Variants in RGPD2 observed in about 807,000 individuals in gnomAD.
The protein encoded by RGPD2 is RANBP2 like and GRIP domain containing 2, also known as RANBP2-like and GRIP domain-containing protein 2.
A neutral mutation model predicts 36.0 loss-of-function variants in RGPD2; 2 were observed. The ratio of observed to expected loss-of-function variants is 0.06; its 90% CI spans 0.02 to 0.17. RGPD2 has a LOEUF of 0.17. Ranked by LOEUF, RGPD2 falls within the 10% of genes least tolerant of loss-of-function variation. RGPD2 has a pLI of 1.00. For missense variants in RGPD2, 40 were observed against 464.3 expected (o/e 0.09, Z 8.40); for synonymous variants, 19 against 163.8 (o/e 0.12, Z 6.75).
intron 7 of RGPD2, among the ~76,000 whole-genome samples, chr2:87,805,593 T>TCA (rs1685913144): frequency 6.7e-6 from 1 of 150,248 alleles, no homozygotes; most frequent in African/African-American, 2.4e-5. Flanking sequence ...GAATGGTGGC[T>TCA]CACGCTTGTA....
chr2:87,912,961 C>T, the RGPD2 span, among the ~76,000 whole-genome samples: 4 of 150,348 alleles, frequency 2.7e-5, no homozygotes, highest in Non-Finnish European at 5.9e-5. Context: ...TATTATGTTC[C>T]AGGTGTTTGC....
chr2:87,857,786 A>C, the RGPD2 span, among the ~76,000 whole-genome samples: 6,575 of 147,176 alleles, frequency 0.045, no homozygotes, highest in Middle Eastern at 0.08. Context: ...AAAAAAAAAA[A>C]AAAAAAAAAA....
chr2:87,978,300 A>G, the RGPD2 span, among the ~76,000 whole-genome samples: 3 of 146,088 alleles, frequency 2.1e-5, no homozygotes, highest in Admixed American at 2.1e-4. Flanking sequence ...AAGTTGATAA[A>G]GATTTGAACA....
At chr2:87,832,731 G>T in the RGPD2 span, among the ~76,000 whole-genome samples, 1 of 151,976 alleles carries the variant, frequency 6.6e-6, no homozygotes, top group South Asian at 2.1e-4. Flanking sequence ...TGCGGTGAGA[G>T]AATTGCTTGA....
intron 6 of RGPD2, among the ~76,000 whole-genome samples, chr2:87,807,377 A>ATTT: frequency 7.5e-6 from 1 of 133,986 alleles, no homozygotes; most frequent in Non-Finnish European, 1.5e-5. Context: ...ACAGCGTTAA[A>ATTT]TTGTTTTTTT....
At chr2:87,977,504 C>T in the RGPD2 span, among the ~76,000 whole-genome samples, 284 of 151,374 alleles carry the variant, frequency 1.9e-3, 2 homozygotes, top group African/African-American at 6.6e-3. Context: ...CAATCTTGTG[C>T]AAAATGGTCA....
chr2:87,827,014 A>G (rs1276505912), upstream of RGPD2, among the ~76,000 whole-genome samples: 1 of 145,710 alleles, frequency 6.9e-6, no homozygotes, highest in Non-Finnish European at 1.5e-5. Flanking sequence ...AGTAGAATCT[A>G]ATCTAATATA....
rs1282353258 is a variant in RGPD2, at chr2:87,756,378, C to G, written c.*1014G>C. ...GGATCTCTTTCAGCCTCGGAAAAGCCTGCCATTCCCCCATCTAAAAACCCT... is the reference window on the plus strand; with the variant it reads ...GGATCTCTTTCAGCCTCGGAAAAGCGTGCCATTCCCCCATCTAAAAACCCT... On this transcript the variant is annotated 3_prime_UTR_variant, in exon 23 of 23. Transcript: ENST00000398146. The G allele has an allele frequency of 6.9e-6, 1 of 145,708 alleles. No homozygotes were observed. The highest frequency in any genetic ancestry group is 2.5e-5 in the African/African-American group (1 of 39,468). The allele number at this position is 145,708 out of a possible 1,614,324, so 9.0% of individuals were successfully genotyped here.
At chr2:87,974,231 G>T in the RGPD2 span, among the ~76,000 whole-genome samples, 2 of 145,236 alleles carry the variant, frequency 1.4e-5, no homozygotes, top group African/African-American at 5.2e-5. Context: ...AGCTTGAGTG[G>T]TGAGTTTGCC....
chr2:87,798,785 G>A (rs1420156698), intron 8 of RGPD2, among the ~76,000 whole-genome samples: 366 of 120,502 alleles, frequency 3.0e-3, no homozygotes, highest in African/African-American at 0.01. Flanking sequence ...GGAGAATGGC[G>A]TGAACCCGGG....
At chr2:87,915,136 A>C in the RGPD2 span, among the ~76,000 whole-genome samples, 2 of 151,860 alleles carry the variant, frequency 1.3e-5, no homozygotes, top group Non-Finnish European at 2.9e-5. Flanking sequence ...AACAAGAGCA[A>C]AACTCCGTCT....
At chr2:87,923,140 A>G in the RGPD2 span, among the ~76,000 whole-genome samples, 8 of 152,024 alleles carry the variant, frequency 5.3e-5, no homozygotes, top group African/African-American at 1.9e-4. Context: ...TTCCTACTGG[A>G]AGAGAAAGAA....
the RGPD2 span, among the ~76,000 whole-genome samples, chr2:87,857,443 C>T: frequency 1.3e-5 from 2 of 151,414 alleles, no homozygotes; most frequent in Non-Finnish European, 2.9e-5. Flanking sequence ...CCCAGGTTCA[C>T]GCCATTCTCC....
At chr2:87,935,239 T>TC in the RGPD2 span, among the ~76,000 whole-genome samples, 5 of 147,780 alleles carry the variant, frequency 3.4e-5, no homozygotes, top group African/African-American at 5.0e-5. Flanking sequence ...CAATAGAGGA[T>TC]CCTGATATCA....
the RGPD2 span, among the ~76,000 whole-genome samples, chr2:87,874,040 G>A: frequency 6.6e-6 from 1 of 151,224 alleles, no homozygotes; most frequent in East Asian, 1.9e-4. Flanking sequence ...TTTGAGAAGT[G>A]TCTGTTCATG....
At chr2:87,766,891 TA>T (rs1258679774) in intron 22 of RGPD2, 1 of 137,088 alleles carries the variant, frequency 7.3e-6, no homozygotes, top group Non-Finnish European at 1.6e-5. Flanking sequence ...TCAAGGCTGC[TA>T]AACTGATGGC....
chr2:87,931,861 CT>C, the RGPD2 span, among the ~76,000 whole-genome samples: 2,632 of 125,002 alleles, frequency 0.021, 95 homozygotes, highest in African/African-American at 0.076. Context: ...AACCTCTTTC[CT>C]TTTTGAATTA....
At chr2:87,957,237 G>GGT in the RGPD2 span, among the ~76,000 whole-genome samples, 7 of 7,502 alleles carry the variant, frequency 9.3e-4, no homozygotes, top group South Asian at 0.038. Flanking sequence ...CAAGGTCACT[G>GGT]GGGGGGGGCT....
chr2:87,824,284 TAAG>T (rs1424838132), intron 1 of RGPD2, among the ~76,000 whole-genome samples: 1 of 151,766 alleles, frequency 6.6e-6, no homozygotes, highest in Admixed American at 6.6e-5. Flanking sequence ...AGAATATTTT[TAAG>T]AAGGGCAAAA....
Sources: allele counts gnomAD v4.1 joint callset (sites outside exome capture counted in the v4.1 genomes callset), GRCh38; gene constraint gnomAD v4.1.1; transcripts MANE v1.5; gene names NCBI Gene and HGNC (gene_info 2026-07-23, HGNC 2026-07-21).